The following NAA35 variants were observed in gnomAD, a reference collection of about 807,000 sequenced individuals.
NAA35 encodes MAK10 homolog, amino-acid N-acetyltransferase subunit.
NAA35 carries 18 observed loss-of-function variants against 101.7 expected under a neutral mutation model. That is an observed-to-expected ratio of 0.18 (90% confidence interval 0.12 to 0.26). NAA35 has a LOEUF of 0.26. Ranked by LOEUF, NAA35 falls within the 10% of genes least tolerant of loss-of-function variation. NAA35 has a pLI of 1.00. For synonymous variants in NAA35, 267 were observed against 273.1 expected (o/e 0.98, Z 0.22); for missense variants, 601 against 886.8 (o/e 0.68, Z 4.09).
At chr9:85,951,664 T>A (rs563605911) in intron 2 of NAA35, among the ~76,000 whole-genome samples, 22 of 151,296 alleles carry the variant, frequency 1.5e-4, no homozygotes, top group East Asian at 3.9e-4. Context: ...CTTCCAAAAA[T>A]TTTTTTTTTG....
chr9:85,982,219 A>G (rs568354423), intron 11 of NAA35, among the ~76,000 whole-genome samples: 2 of 152,306 alleles, frequency 1.3e-5, no homozygotes, highest in Admixed American at 6.5e-5. Flanking sequence ...GAAAATGGAT[A>G]GAGAAGCAGA....
chr9:85,949,330 T>A (rs1828907334), intron 2 of NAA35, among the ~76,000 whole-genome samples: 4 of 151,764 alleles, frequency 2.6e-5, no homozygotes. Flanking sequence ...GTTTCACTCT[T>A]GTTGCCCATG....
intron 12 of NAA35, among the ~76,000 whole-genome samples, chr9:86,003,326 G>C (rs1189215672): frequency 6.6e-6 from 1 of 151,978 alleles, no homozygotes; most frequent in Non-Finnish European, 1.5e-5. Context: ...TATTTTTATG[G>C]TATACAAATT....
chr9:85,943,721 C>T (rs569823043), intron 2 of NAA35, among the ~76,000 whole-genome samples: 2 of 152,220 alleles, frequency 1.3e-5, no homozygotes, highest in African/African-American at 2.4e-5. Flanking sequence ...TGTCATCTTG[C>T]ACTGATTTTA....
chr9:85,997,759 T>C (rs866252697), intron 12 of NAA35, among the ~76,000 whole-genome samples: 9 of 152,224 alleles, frequency 5.9e-5, no homozygotes, highest in Admixed American at 2.6e-4. Flanking sequence ...GCCAGGATTA[T>C]AGGCATGGGC....
In NAA35 at chr9:86,022,040, C is replaced by A; in HGVS notation, c.*80C>A. 1.9e-6 allele frequency: 2 copies of A among 1,057,344 alleles called. No individual in the cohort carries two copies. Among genetic ancestry groups the A allele is most frequent in the Non-Finnish European group, 2.8e-6 (2 of 703,442 alleles). 65.5% of individuals were successfully genotyped at this position (1,057,344 alleles called of 1,614,324 possible). A position where few individuals can be genotyped will look rare whatever the true frequency, so the allele number is the denominator to read the frequency against. On this transcript the variant is annotated 3_prime_UTR_variant, in exon 23 of 23. Coordinates refer to ENST00000361671, the MANE Select transcript of NAA35 (RefSeq NM_024635.4). ...TTAGAGGGCACATCACCAGGCTCCA[C>A]ATCACGGGAAGTGAGATGGATTTCT...
At chr9:86,001,369 G>A (rs1399594591) in intron 12 of NAA35, among the ~76,000 whole-genome samples, 1 of 152,024 alleles carries the variant, frequency 6.6e-6, no homozygotes, top group Non-Finnish European at 1.5e-5. Context: ...GTTGTTTTTG[G>A]GTGGAGACTT....
At chr9:86,011,441 C>T (rs1475616509) in intron 15 of NAA35, among the ~76,000 whole-genome samples, 1 of 150,844 alleles carries the variant, frequency 6.6e-6, no homozygotes, top group Non-Finnish European at 1.5e-5. Flanking sequence ...TCACTGCAAC[C>T]TCTACCCCCT....
At chr9:85,947,560 T>C (rs1828824993) in intron 2 of NAA35, among the ~76,000 whole-genome samples, 1 of 152,168 alleles carries the variant, frequency 6.6e-6, no homozygotes, top group Admixed American at 6.5e-5. Context: ...TCACTTTAGA[T>C]TAGTGGTTCT....
intron 2 of NAA35, among the ~76,000 whole-genome samples, chr9:85,951,924 A>G (rs567002361): frequency 7.0e-4 from 106 of 152,262 alleles, no homozygotes; most frequent in African/African-American, 2.4e-3. Context: ...CCGCCTCCCA[A>G]AATGCTGGGA....
At chr9:85,981,367 T>C (rs1264819253) in intron 11 of NAA35, among the ~76,000 whole-genome samples, 1 of 152,190 alleles carries the variant, frequency 6.6e-6, no homozygotes, top group Non-Finnish European at 1.5e-5. Flanking sequence ...TGTTGGTTTG[T>C]GTATCAAAAA....
At chr9:85,996,857 C>A (rs1327058461) in intron 12 of NAA35, among the ~76,000 whole-genome samples, 2 of 152,084 alleles carry the variant, frequency 1.3e-5, no homozygotes, top group Non-Finnish European at 2.9e-5. Context: ...ATAATTCATC[C>A]AAGATTTGTT....
At chr9:85,969,533 A>G (rs1408863368) in intron 6 of NAA35, among the ~76,000 whole-genome samples, 1 of 152,140 alleles carries the variant, frequency 6.6e-6, no homozygotes, top group African/African-American at 2.4e-5. Flanking sequence ...CTGCTAGATA[A>G]TTTACATCAG....
intron 11 of NAA35, among the ~76,000 whole-genome samples, chr9:85,994,309 C>T (rs1340704655): frequency 6.6e-6 from 1 of 152,160 alleles, no homozygotes; most frequent in African/African-American, 2.4e-5. Flanking sequence ...AACATGAACT[C>T]CCAGTTCCCT....
intron 8 of NAA35, among the ~76,000 whole-genome samples, chr9:85,975,985 T>C (rs1404697059): frequency 6.6e-6 from 1 of 152,212 alleles, no homozygotes; most frequent in Non-Finnish European, 1.5e-5. Flanking sequence ...AACACTAGTA[T>C]GACAGTATGG....
intron 11 of NAA35, among the ~76,000 whole-genome samples, chr9:85,987,794 G>A (rs1830715691): frequency 6.6e-6 from 1 of 152,186 alleles, no homozygotes; most frequent in Non-Finnish European, 1.5e-5. Flanking sequence ...ATTGAGAATG[G>A]ATAGATTTTC....
intron 12 of NAA35, among the ~76,000 whole-genome samples, chr9:85,997,098 G>A (rs531427189): frequency 3.3e-5 from 5 of 151,874 alleles, no homozygotes; most frequent in Non-Finnish European, 5.9e-5. Context: ...GACCACAGGC[G>A]TGTGCCACCA....
In NAA35 at chr9:86,022,641, T is replaced by G. The variant is rs1227808652; in HGVS notation, c.*681T>G. Among the ~76,000 whole-genome samples the G allele has an allele frequency of 1.3e-5, 2 of 152,238 alleles. No homozygotes were observed. The highest frequency in any genetic ancestry group is 6.5e-5 in the Admixed American group (1 of 15,286). On this transcript the variant is annotated 3_prime_UTR_variant, in exon 23 of 23. Coordinates refer to ENST00000361671, the MANE Select transcript of NAA35 (RefSeq NM_024635.4). ...AAAAGGAGGCAGATAGAAATGTATA[T>G]AGATTAAAATTTAGGACTAGGTTTA...
chr9:85,973,272 G>C (rs573213045), intron 6 of NAA35, among the ~76,000 whole-genome samples: 1 of 152,174 alleles, frequency 6.6e-6, no homozygotes, highest in African/African-American at 2.4e-5. Flanking sequence ...GGTGGACTTA[G>C]GGATTTTGCT....
Sources: gnomAD v4.1 joint callset for allele counts (sites outside exome capture counted in the v4.1 genomes callset) on GRCh38, gnomAD v4.1.1 for gene constraint, MANE v1.5 for transcripts, NCBI Gene and HGNC (gene_info 2026-07-23, HGNC 2026-07-21) for gene names.